MCPH1: variants seen among roughly 807,000 people sequenced by gnomAD.
The protein encoded by MCPH1 is microcephalin.
Under a neutral mutation model 84.5 loss-of-function variants are expected in MCPH1, and 104 were observed. The ratio of observed to expected loss-of-function variants is 1.23; its 90% confidence interval spans 1.05 to 1.45. MCPH1 has a LOEUF of 1.45. Ranked by LOEUF, MCPH1 falls within the 40% of genes most tolerant of loss-of-function variation. The pLI is 0.00. For missense variants in MCPH1, 1,498 were observed against 1,005.7 expected, an observed-to-expected ratio of 1.49 and a Z score of -6.62; for synonymous variants, 514 against 366.8, an observed-to-expected ratio of 1.40 and a Z score of -4.58.
chr8:6,500,290 C>T (rs1013501352), intron 12 of MCPH1: 1 of 211,390 alleles, frequency 4.7e-6, no homozygotes, highest in Non-Finnish European at 9.6e-6. Flanking sequence ...AAGATTATGG[C>T]TTGCTGGTGC....
At chr8:6,422,168 A>G (rs1370227613) in intron 3 of MCPH1, among the ~76,000 whole-genome samples, 2 of 152,244 alleles carry the variant, frequency 1.3e-5, no homozygotes, top group Non-Finnish European at 2.9e-5. Flanking sequence ...TGTGGATTCC[A>G]AGAGCAGCTA....
intron 9 of MCPH1, among the ~76,000 whole-genome samples, chr8:6,472,553 C>A (rs1275643730): frequency 1.3e-5 from 2 of 152,076 alleles, no homozygotes; most frequent in Non-Finnish European, 2.9e-5. Context: ...GCAACCTCCG[C>A]CTCCTGGGTT....
intron 2 of MCPH1, among the ~76,000 whole-genome samples, chr8:6,414,269 A>G (rs2440439): frequency 0.97 from 147,985 of 152,226 alleles, 72,071 homozygotes; most frequent in East Asian, 1. Flanking sequence ...CGGCCTCCCA[A>G]AGTGCTGGGA....
chr8:6,473,999 T>C, intron 9 of MCPH1: 1 of 925,936 alleles, frequency 1.1e-6, no homozygotes. Context: ...AATCTCACAC[T>C]GAATATTGTC....
At chr8:6,411,346 C>T (rs910960793) in intron 2 of MCPH1, among the ~76,000 whole-genome samples, 16 of 152,008 alleles carry the variant, frequency 1.1e-4, no homozygotes, top group African/African-American at 3.9e-4. Flanking sequence ...TGACTTGCAG[C>T]TATATAGAAA....
At chr8:6,434,779 A>G (rs943936294) in intron 4 of MCPH1, among the ~76,000 whole-genome samples, 11 of 152,222 alleles carry the variant, frequency 7.2e-5, no homozygotes, top group African/African-American at 2.7e-4. Context: ...TACCCATGTA[A>G]GCAAATTTGG....
rs531526435 is a variant in MCPH1, at chr8:6,445,112, G to T, written c.1390G>T (p.Val464Phe). 3.7e-6 allele frequency: 6 copies of T among 1,614,136 alleles called. No individual in the cohort carries two copies. Among genetic ancestry groups the T allele is most frequent in the Middle Eastern group, 1.6e-4 (1 of 6,062 alleles). Reference sequence around the variant, plus strand: ...ATTTGAAATGTCTGATTTTTCCTGCGTTGGCAAAAAAACCAGAACAGTTGA... The same window carrying T: ...ATTTGAAATGTCTGATTTTTCCTGCTTTGGCAAAAAAACCAGAACAGTTGA... ...SIFEMSDFSC[V>F]GKKTRTVDIT... Residue 464 changes from valine (V) to phenylalanine (F), a missense_variant, in exon 8 of 14, where the codon GTT (valine) becomes TTT (phenylalanine). Val to Phe is a conservative substitution (Grantham distance 50, BLOSUM62 -1). Transcript: ENST00000344683.
intron 3 of MCPH1, among the ~76,000 whole-genome samples, chr8:6,419,949 A>G (rs1017009127): frequency 2.0e-5 from 3 of 151,824 alleles, no homozygotes; most frequent in South Asian, 4.2e-4. Context: ...GATGTAGTCT[A>G]TTCTATTTCC....
At chr8:6,505,887 A>G (rs1813575021) in intron 12 of MCPH1, among the ~76,000 whole-genome samples, 1 of 121,966 alleles carries the variant, frequency 8.2e-6, no homozygotes, top group Non-Finnish European at 1.6e-5. Flanking sequence ...TTATATATGT[A>G]TATATAAAAA....
At position 6,414,869 on chromosome 8, in the gene MCPH1, G is replaced by T. The variant is rs764750649; in HGVS notation, c.219G>T (p.Val73=). 1 of 1,613,578 alleles carries T rather than the reference G, an allele frequency of 6.2e-7. No homozygotes were observed. The highest frequency in any genetic ancestry group is 8.5e-7 in the Non-Finnish European group (1 of 1,179,832). The change falls in exon 3 of 14, where the codon GTG becomes GTT. Residue 73 remains valine, a synonymous_variant. Coordinates refer to ENST00000344683, the MANE Select transcript of MCPH1 (RefSeq NM_024596.5). ...AGAGAGGCGTAAAGCTCGTTTCGGT[G>T]CTCTGGGTGGAAAAGTAAGCAGTTT... The part of the protein sequence containing the change: ...AQKRGVKLVS[V]LWVEKCRTAG...
At chr8:6,488,193 G>T (rs937619670) in intron 11 of MCPH1, among the ~76,000 whole-genome samples, 2 of 152,230 alleles carry the variant, frequency 1.3e-5, no homozygotes, top group African/African-American at 4.8e-5. Flanking sequence ...TGGGAAGCAG[G>T]CGCTGCGGTC....
intron 3 of MCPH1, among the ~76,000 whole-genome samples, chr8:6,420,161 C>T (rs1799958941): frequency 6.6e-6 from 1 of 151,934 alleles, no homozygotes; most frequent in Non-Finnish European, 1.5e-5. Context: ...GGTTCAAGGG[C>T]TGCCACTCCC....
chr8:6,507,193 C>T (rs955372034), intron 12 of MCPH1, among the ~76,000 whole-genome samples: 2 of 152,214 alleles, frequency 1.3e-5, no homozygotes, highest in African/African-American at 4.8e-5. Context: ...CCACCATGCC[C>T]AGCCCTATTA....
intron 12 of MCPH1, among the ~76,000 whole-genome samples, chr8:6,610,458 C>G (rs1031414744): frequency 2.6e-5 from 4 of 152,228 alleles, no homozygotes; most frequent in African/African-American, 9.7e-5. Context: ...CGTCAACTGT[C>G]ATTGCATGCT....
chr8:6,604,985 G>A (rs988949316), intron 12 of MCPH1, among the ~76,000 whole-genome samples: 3 of 152,152 alleles, frequency 2.0e-5, no homozygotes, highest in Non-Finnish European at 4.4e-5. Flanking sequence ...GAAATTGTTC[G>A]GTGCCATCCC....
At chr8:6,509,875 TG>T (rs1563316419) in intron 12 of MCPH1, among the ~76,000 whole-genome samples, 1 of 152,214 alleles carries the variant, frequency 6.6e-6, no homozygotes, top group Non-Finnish European at 1.5e-5. Flanking sequence ...TTGTTCACCC[TG>T]GGGATCACAG....
intron 9 of MCPH1, among the ~76,000 whole-genome samples, chr8:6,470,947 T>G (rs979244535): frequency 6.6e-6 from 1 of 152,278 alleles, no homozygotes; most frequent in African/African-American, 2.4e-5. Flanking sequence ...CCTTCTTTGC[T>G]CATACCATTC....
At chr8:6,499,402 T>A (rs1175641169) in intron 11 of MCPH1, among the ~76,000 whole-genome samples, 1 of 152,180 alleles carries the variant, frequency 6.6e-6, no homozygotes, top group Non-Finnish European at 1.5e-5. Context: ...TTAGCCAATG[T>A]TAGAAACAAA....
chr8:6,556,554 A>G (rs2922893), intron 12 of MCPH1, among the ~76,000 whole-genome samples: 20,345 of 152,122 alleles, frequency 0.13, 3,769 homozygotes, highest in African/African-American at 0.42. Context: ...CTGCTGCTAC[A>G]CTACACGTTC....
Sources: allele counts gnomAD v4.1 joint callset (sites outside exome capture counted in the v4.1 genomes callset), GRCh38; gene constraint gnomAD v4.1.1; transcripts MANE v1.5; gene names NCBI Gene and HGNC (gene_info 2026-07-23, HGNC 2026-07-21).